DPP6: variants seen among roughly 807,000 people sequenced by gnomAD.
DPP6 encodes the protein dipeptidyl peptidase like 6, also known as A-type potassium channel modulatory protein DPP6.
A neutral mutation model predicts 122.6 loss-of-function variants in DPP6; 69 were observed. That is an observed-to-expected ratio of 0.56 (90% CI 0.46 to 0.69). The LOEUF is 0.69. Among genes scored for constraint, DPP6 ranks in the 30% least tolerant of loss-of-function variants. The pLI is 0.00. For synonymous variants in DPP6, 418 were observed against 433.1 expected (o/e 0.97, Z 0.43); for missense variants, 928 against 1,116.9 (o/e 0.83, Z 2.41).
intron 1 of DPP6, among the ~76,000 whole-genome samples, chr7:153,996,564 A>G (rs983702366): frequency 6.6e-6 from 1 of 151,676 alleles, no homozygotes; most frequent in Non-Finnish European, 1.5e-5. Context: ...TTTTATAACT[A>G]TAGCCTATTA....
chr7:154,320,001 A>ATATATATATAT (rs1807793216), intron 1 of DPP6, among the ~76,000 whole-genome samples: 1 of 139,314 alleles, frequency 7.2e-6, no homozygotes, highest in African/African-American at 2.8e-5. Flanking sequence ...AAATATTTCA[A>ATATATATATAT]ATATATATAT....
At chr7:153,749,984 A>G in the DPP6 span, among the ~76,000 whole-genome samples, 1 of 152,196 alleles carries the variant, frequency 6.6e-6, no homozygotes, top group Non-Finnish European at 1.5e-5. The surrounding 1 kb of genome is among the most constrained non-coding windows in gnomAD (Gnocchi z 4.1). Flanking sequence ...GTAAGGGCAT[A>G]TATGTTTATT....
chr7:153,937,956 G>A (rs1801532018), intron 1 of DPP6, among the ~76,000 whole-genome samples: 1 of 152,202 alleles, frequency 6.6e-6, no homozygotes, highest in South Asian at 2.1e-4. Flanking sequence ...GGGAAAGGAT[G>A]ACATAGGTTC....
At chr7:154,689,694 G>A (rs1358371741) in intron 7 of DPP6, among the ~76,000 whole-genome samples, 1 of 152,172 alleles carries the variant, frequency 6.6e-6, no homozygotes, top group Non-Finnish European at 1.5e-5. Context: ...ACAAAACTAT[G>A]CAACTATAAA....
chr7:154,419,867 G>A (rs1220455436), intron 1 of DPP6, among the ~76,000 whole-genome samples: 2 of 152,106 alleles, frequency 1.3e-5, no homozygotes, highest in African/African-American at 4.8e-5. Context: ...GTGAAATCAG[G>A]ATGTCAAAGA....
intron 7 of DPP6, among the ~76,000 whole-genome samples, chr7:154,701,359 T>C (rs1008339229): frequency 6.6e-6 from 1 of 152,242 alleles, no homozygotes; most frequent in Non-Finnish European, 1.5e-5. Flanking sequence ...GATCTAAGCC[T>C]ATACCTTTTT....
intron 1 of DPP6, among the ~76,000 whole-genome samples, chr7:153,968,061 C>T (rs1795846566): frequency 6.7e-6 from 1 of 149,922 alleles, no homozygotes; most frequent in Non-Finnish European, 1.5e-5. Context: ...ATTTATTTTC[C>T]TTTGGATATA....
intron 1 of DPP6, among the ~76,000 whole-genome samples, chr7:154,351,202 A>G (rs1377305731): frequency 6.6e-6 from 1 of 152,048 alleles, no homozygotes; most frequent in Non-Finnish European, 1.5e-5. Flanking sequence ...AAAATTTAGC[A>G]ATTTGGTTTT....
the DPP6 span, among the ~76,000 whole-genome samples, chr7:153,760,728 A>T: frequency 6.6e-6 from 1 of 152,032 alleles, no homozygotes; most frequent in Admixed American, 6.6e-5. Context: ...GAATCATGAG[A>T]TTGTTTGAGA....
At chr7:153,757,811 G>A in the DPP6 span, among the ~76,000 whole-genome samples, 1 of 152,128 alleles carries the variant, frequency 6.6e-6, no homozygotes, top group Non-Finnish European at 1.5e-5. Context: ...ACAAAAATTA[G>A]CCAGGCACGG....
chr7:154,266,735 A>C (rs962009636), intron 1 of DPP6, among the ~76,000 whole-genome samples: 1 of 152,234 alleles, frequency 6.6e-6, no homozygotes, highest in Non-Finnish European at 1.5e-5. Flanking sequence ...CAATGAAATG[A>C]TTCCACCAGA....
At chr7:154,317,266 G>A (rs117806281) in intron 1 of DPP6, among the ~76,000 whole-genome samples, 13,403 of 152,160 alleles carry the variant, frequency 0.088, 1,383 homozygotes, top group African/African-American at 0.25. Flanking sequence ...GGAGGCTGAG[G>A]CGGGCGGATC....
intron 1 of DPP6, among the ~76,000 whole-genome samples, chr7:154,008,394 T>A: frequency 6.6e-6 from 1 of 152,268 alleles, no homozygotes; most frequent in Non-Finnish European, 1.5e-5. Flanking sequence ...AAGATATTTC[T>A]TACTGTTTTG....
At chr7:154,434,144 TTTTG>T (rs1818671347) in intron 1 of DPP6, among the ~76,000 whole-genome samples, 3 of 152,378 alleles carry the variant, frequency 2.0e-5, no homozygotes, top group African/African-American at 4.8e-5. Context: ...ACAGTCTGAA[TTTTG>T]TTTAAGATAG....
chr7:154,711,945 C>CACACACACACACACA lies in DPP6; in HGVS notation c.763-15821_763-15807dup, dbSNP rs1554443048. The stretch of plus-strand genomic sequence containing the variant: ...GGTGTAAATTGTCACTTAATACACA[C>CACACACACACACACA]ACACACACACACACACACACTCTTC... On this transcript the variant is annotated intron_variant, in intron 7 of 25. Coordinates refer to ENST00000377770, the MANE Select transcript of DPP6 (RefSeq NM_130797.4). Among the ~76,000 whole-genome samples the CACACACACACACACA allele has an allele frequency of 7.1e-3, 1,057 of 149,886 alleles. 8 individuals are homozygous for CACACACACACACACA. The highest frequency in any genetic ancestry group is 0.033 in the East Asian group (168 of 5,118).
the DPP6 span, among the ~76,000 whole-genome samples, chr7:153,820,429 T>C: frequency 3.9e-5 from 6 of 152,220 alleles, no homozygotes; most frequent in Non-Finnish European, 2.9e-5. Flanking sequence ...AATACATCAG[T>C]TATTTAGCAG....
the DPP6 span, among the ~76,000 whole-genome samples, chr7:153,850,706 G>A: frequency 9.9e-5 from 15 of 152,178 alleles, no homozygotes; most frequent in African/African-American, 3.4e-4. Context: ...CATGGTGGCA[G>A]GCAAGAGCTT....
At chr7:154,837,265 A>G (rs1397000101) in intron 16 of DPP6, among the ~76,000 whole-genome samples, 8 of 151,962 alleles carry the variant, frequency 5.3e-5, no homozygotes, top group Admixed American at 1.3e-4. Context: ...ACATGCACAC[A>G]CATGCACACG....
intron 1 of DPP6, among the ~76,000 whole-genome samples, chr7:154,326,171 G>A (rs945879403): frequency 6.6e-6 from 1 of 152,128 alleles, no homozygotes; most frequent in African/African-American, 2.4e-5. Flanking sequence ...ATAACTGTAG[G>A]CAATAAAACA....
Sources: gnomAD v4.1 joint callset for allele counts (sites outside exome capture counted in the v4.1 genomes callset) on GRCh38, gnomAD v4.1.1 for gene constraint, Gnocchi (gnomAD v3.1) non-coding constraint, MANE v1.5 for transcripts, NCBI Gene and HGNC (gene_info 2026-07-23, HGNC 2026-07-21) for gene names.